CYTH1: variants seen among roughly 807,000 people sequenced by gnomAD.
CYTH1 encodes the protein cytohesin-1.
CYTH1 carries 18 observed loss-of-function variants against 61.8 expected under a neutral mutation model. The ratio of observed to expected loss-of-function variants is 0.29; its 90% CI spans 0.20 to 0.43. CYTH1 has a LOEUF of 0.43. Among genes scored for constraint, CYTH1 ranks in the 20% least tolerant of loss-of-function variants. The pLI is 1.00. For missense variants in CYTH1, 336 were observed against 510.5 expected, an observed-to-expected ratio of 0.66 and a Z score of 3.29; for synonymous variants, 174 against 184.3, an observed-to-expected ratio of 0.94 and a Z score of 0.45.
At chr17:78,776,589 G>C (rs545115008) in intron 1 of CYTH1, among the ~76,000 whole-genome samples, 1 of 150,564 alleles carries the variant, frequency 6.6e-6, no homozygotes, top group Non-Finnish European at 1.5e-5. Flanking sequence ...AACCCGGGAG[G>C]CAGAGGGTGC....
intron 9 of CYTH1, 97 bp downstream of exon 9, chr17:78,698,172 C>T (rs944693979): frequency 6.5e-5 from 66 of 1,008,160 alleles, no homozygotes; most frequent in African/African-American, 5.2e-4. Flanking sequence ...CGCACAAACA[C>T]GCACACGCGC....
At chr17:78,702,393 G>T in intron 4 of CYTH1, 145 bp downstream of exon 4, 1 of 1,032,268 alleles carries the variant, frequency 9.7e-7, no homozygotes, top group Non-Finnish European at 1.4e-6. Context: ...CACAGTTTAG[G>T]AACAAGGGCT....
intron 11 of CYTH1, chr17:78,691,284 A>C (rs1179775548): frequency 6.6e-6 from 1 of 152,216 alleles, no homozygotes; most frequent in African/African-American, 2.4e-5. Flanking sequence ...ATGGGCTACG[A>C]AGTGCATTCC....
chr17:78,747,420 G>A (rs2093363980), intron 1 of CYTH1, among the ~76,000 whole-genome samples: 1 of 152,114 alleles, frequency 6.6e-6, no homozygotes, highest in Admixed American at 6.6e-5. Context: ...CAACATCTGC[G>A]GGGAGGAGGC....
At chr17:78,703,272 C>A (rs2093031904) in intron 3 of CYTH1, among the ~76,000 whole-genome samples, 1 of 151,390 alleles carries the variant, frequency 6.6e-6, no homozygotes, top group Non-Finnish European at 1.5e-5. Flanking sequence ...ATTAGCCAGG[C>A]ATGGTGGTGG....
Position 78,686,564 on chromosome 17 carries a change from A to G in CYTH1, c.892-5522T>C, listed in dbSNP as rs189099070. On this transcript the variant is annotated intron_variant, in intron 11 of 13. Transcript: ENST00000446868. ...CTCGTAGAGAATGGTGAGTGGTGGG[A>G]GAGCTCATCGAAGATACTCCCCGAG... Among the ~76,000 whole-genome samples, 574 of 152,182 alleles carry G rather than the reference A, an allele frequency of 3.8e-3. 1 individual carries two copies. Among genetic ancestry groups the G allele is most frequent in the Middle Eastern group, 6.8e-3 (2 of 292 alleles).
intron 11 of CYTH1, among the ~76,000 whole-genome samples, chr17:78,684,240 T>G (rs2036471237): frequency 2.0e-5 from 3 of 152,332 alleles, no homozygotes; most frequent in Middle Eastern, 3.4e-3. Flanking sequence ...ACTTGAGAAT[T>G]GGCTTGAGTG....
At chr17:78,736,357 T>A (rs1249147251) in intron 1 of CYTH1, among the ~76,000 whole-genome samples, 1 of 152,076 alleles carries the variant, frequency 6.6e-6, no homozygotes, top group East Asian at 1.9e-4. Flanking sequence ...GAGGAGAACT[T>A]CTTTGGTTTA....
intron 1 of CYTH1, among the ~76,000 whole-genome samples, chr17:78,741,140 A>G (rs1445633180): frequency 6.6e-6 from 1 of 152,230 alleles, no homozygotes; most frequent in Non-Finnish European, 1.5e-5. Flanking sequence ...GATTCAAGAC[A>G]TTTTATATTT....
At chr17:78,751,811 GT>G (rs750492302) in intron 1 of CYTH1, among the ~76,000 whole-genome samples, 1 of 152,120 alleles carries the variant, frequency 6.6e-6, no homozygotes, top group Non-Finnish European at 1.5e-5. Flanking sequence ...CATCTTTTTT[GT>G]TTTTTGTTTT....
intron 9 of CYTH1, 131 bp downstream of exon 9, chr17:78,698,138 C>T (rs1217776418): frequency 3.9e-6 from 3 of 770,636 alleles, no homozygotes; most frequent in Non-Finnish European, 6.7e-6. Flanking sequence ...CGCGTGCACA[C>T]ACACGCACGC....
intron 1 of CYTH1, chr17:78,736,615 A>T: frequency 4.1e-6 from 1 of 246,130 alleles, no homozygotes; most frequent in Non-Finnish European, 9.4e-6. Context: ...CATACTAATG[A>T]AAAGAGATAC....
intron 3 of CYTH1, 118 bp downstream of exon 3, chr17:78,708,079 G>C: frequency 2.0e-6 from 2 of 1,003,418 alleles, no homozygotes; most frequent in Non-Finnish European, 3.1e-6. Flanking sequence ...GTGCTTGCTA[G>C]AATTAGAAAG....
chr17:78,699,068 T>C, intron 7 of CYTH1, 100 bp from the exon 8 acceptor site: 1 of 1,438,288 alleles, frequency 7.0e-7, no homozygotes, highest in South Asian at 1.3e-5. Context: ...AAATCAGGAA[T>C]AAAAAACCAT....
intron 1 of CYTH1, among the ~76,000 whole-genome samples, chr17:78,719,001 C>T (rs767853223): frequency 3.3e-5 from 5 of 152,320 alleles, no homozygotes; most frequent in East Asian, 1.9e-4. Context: ...TGGTTCCTTC[C>T]GGCAGGAGCA....
At chr17:78,721,991 G>A (rs892004084) in intron 1 of CYTH1, among the ~76,000 whole-genome samples, 11 of 152,126 alleles carry the variant, frequency 7.2e-5, no homozygotes, top group African/African-American at 1.4e-4. Context: ...AGGGTGCAGC[G>A]AGCCGAGATC....
rs912918659 is a variant in CYTH1 at position 78,695,938 on chromosome 17, G to T, written c.814+69C>A. 3.7e-6 allele frequency: 5 copies of T among 1,360,266 alleles called. No homozygotes were observed. In the South Asian group the frequency reaches 5.8e-5, roughly 16 times the overall value. The allele number at this position is 1,360,266 out of a possible 1,614,324, so 84.3% of individuals were successfully genotyped here. A position where few individuals can be genotyped will look rare whatever the true frequency, so the allele number is the denominator to read the frequency against. The stretch of plus-strand genomic sequence containing the variant: ...AAAAAACAAAATAACCAAAAATAAC[G>T]AAATCAGAAAATGCTGCAGTAATGA... On this transcript the variant is annotated intron_variant, in intron 10 of 13. Transcript: ENST00000446868.
Position 78,700,822 on chromosome 17 carries a change from AC to A in CYTH1, c.438-380del, listed in dbSNP as rs2093001044. 2.0e-5 allele frequency among the ~76,000 whole-genome samples: 3 copies of A among 151,938 alleles called. No homozygotes were observed. The highest frequency in any genetic ancestry group is 2.0e-4 in the Admixed American group (3 of 15,246). On this transcript the variant is annotated intron_variant, in intron 6 of 13. Coordinates refer to ENST00000446868, the MANE Select transcript of CYTH1 (RefSeq NM_004762.6). This position sits in a 1 kb window ranked among gnomAD's most constrained non-coding sequence, Gnocchi z 5.1. The stretch of plus-strand genomic sequence containing the variant: ...GTACAGGTGTGAGCCACGGTGCCTG[AC>A]CACTGCCAATGATTTTTTAACATCA...
intron 9 of CYTH1, among the ~76,000 whole-genome samples, chr17:78,697,514 C>T (rs2092952724): frequency 6.6e-6 from 1 of 151,490 alleles, no homozygotes; most frequent in Admixed American, 6.6e-5. Context: ...ACAAGCTCAT[C>T]ACTTCTGGCA....
Sources: gnomAD v4.1 joint callset for allele counts (sites outside exome capture counted in the v4.1 genomes callset) on GRCh38, gnomAD v4.1.1 for gene constraint, Gnocchi (gnomAD v3.1) non-coding constraint, MANE v1.5 for transcripts, NCBI Gene and HGNC (gene_info 2026-07-23, HGNC 2026-07-21) for gene names.